The following RRAGD variants were observed in gnomAD, a reference collection of about 807,000 sequenced individuals.
The protein encoded by RRAGD is Ras related GTP binding D.
In RRAGD, 12 loss-of-function variants were observed where a neutral mutation model predicts 35.5. The observed-to-expected ratio is 0.34, with a 90% confidence interval of 0.22 to 0.55. RRAGD has a LOEUF of 0.55. Ranked by LOEUF, RRAGD falls within the 20% of genes least tolerant of loss-of-function variation. The pLI is 0.91. For synonymous variants in RRAGD, 155 were observed against 178.9 expected (o/e 0.87, Z 1.07); for missense variants, 324 against 490.1 (o/e 0.66, Z 3.20).
intron 1 of RRAGD, among the ~76,000 whole-genome samples, chr6:89,397,409 T>G (rs1011841797): frequency 6.6e-6 from 1 of 152,196 alleles, no homozygotes; most frequent in African/African-American, 2.4e-5. Context: ...ATGAAAGTTT[T>G]TGTCCATATA....
intron 1 of RRAGD, among the ~76,000 whole-genome samples, chr6:89,404,788 T>G (rs1769545490): frequency 6.6e-6 from 1 of 152,174 alleles, no homozygotes; most frequent in Non-Finnish European, 1.5e-5. Context: ...CCTGCCTGAC[T>G]GATCTGAGGG....
At position 89,366,027 on chromosome 6, in the gene RRAGD, C is replaced by G. The variant is rs1417556409; in HGVS notation, c.*2029G>C. The G allele has an allele frequency of 1.3e-5, 2 of 152,238 alleles. No homozygotes were observed. Among genetic ancestry groups the G allele is most frequent in the African/African-American group, 4.8e-5 (2 of 41,468 alleles). 9.4% of individuals were successfully genotyped at this position (152,238 alleles called of 1,614,324 possible). On this transcript the variant is annotated 3_prime_UTR_variant, in exon 7 of 7. Transcript: ENST00000369415. ...AATCAGGGAGCCCTGGGCTCCTAAC[C>G]ATCCAGGTTTCGGAGTAGGAATCAT...
chr6:89,399,232 G>T (rs148140238), intron 1 of RRAGD, among the ~76,000 whole-genome samples: 6 of 152,178 alleles, frequency 3.9e-5, no homozygotes, highest in South Asian at 2.1e-4. Flanking sequence ...CACTGTGAAG[G>T]GGGGAGGGAG....
chr6:89,395,751 C>T (rs2127894283), intron 1 of RRAGD, among the ~76,000 whole-genome samples: 1 of 152,278 alleles, frequency 6.6e-6, no homozygotes, highest in African/African-American at 2.4e-5. Flanking sequence ...ATATGTAAAA[C>T]ATGGTTCCCA....
intron 6 of RRAGD, among the ~76,000 whole-genome samples, chr6:89,369,181 C>A (rs1409106762): frequency 6.6e-6 from 1 of 152,128 alleles, no homozygotes; most frequent in African/African-American, 2.4e-5. Flanking sequence ...CTGAGTAGTG[C>A]CCTCTGCTGC....
intron 1 of RRAGD, among the ~76,000 whole-genome samples, chr6:89,389,612 C>CCT (rs1769196975): frequency 6.6e-6 from 1 of 151,164 alleles, no homozygotes; most frequent in Non-Finnish European, 1.5e-5. Flanking sequence ...CTGTAGGGCT[C>CCT]TCTCTTTCCT....
chr6:89,393,222 A>G (rs1769270212), intron 1 of RRAGD, among the ~76,000 whole-genome samples: 1 of 152,266 alleles, frequency 6.6e-6, no homozygotes, highest in Non-Finnish European at 1.5e-5. Context: ...GGAGAACTCA[A>G]AATTGACAAC....
At chr6:89,389,101 T>C (rs1029567592) in intron 1 of RRAGD, among the ~76,000 whole-genome samples, 7 of 152,190 alleles carry the variant, frequency 4.6e-5, no homozygotes, top group Non-Finnish European at 7.4e-5. Context: ...CACAGACTGG[T>C]ACAGGTCTGT....
At chr6:89,400,657 A>T (rs1003101367) in intron 1 of RRAGD, among the ~76,000 whole-genome samples, 1 of 151,798 alleles carries the variant, frequency 6.6e-6, no homozygotes, top group African/African-American at 2.4e-5. Flanking sequence ...TCACTCTACA[A>T]TAGGCATGGT....
At chr6:89,392,602 A>G (rs1302700365) in intron 1 of RRAGD, among the ~76,000 whole-genome samples, 1 of 152,202 alleles carries the variant, frequency 6.6e-6, no homozygotes, top group East Asian at 1.9e-4. Context: ...ACCTAATCCA[A>G]TACAGACTGA....
At chr6:89,401,579 C>A (rs759447297) in intron 1 of RRAGD, among the ~76,000 whole-genome samples, 2 of 151,608 alleles carry the variant, frequency 1.3e-5, no homozygotes, top group Non-Finnish European at 2.9e-5. Flanking sequence ...AGAATAAAAT[C>A]CAAATGCCTT....
In RRAGD at chr6:89,377,763, A is replaced by G. The variant is rs1279839812; in HGVS notation, c.810T>C (p.Tyr270=). 3 of 1,611,348 alleles carry G rather than the reference A, an allele frequency of 1.9e-6. No homozygotes were observed. The highest frequency in any genetic ancestry group is 1.7e-5 in the Admixed American group (1 of 59,622). The change falls in exon 5 of 7, where the codon TAT becomes TAC. Residue 270 remains tyrosine (Y), a synonymous_variant. Coordinates refer to ENST00000369415, the MANE Select transcript of RRAGD (RefSeq NM_021244.5). ...AFLFDVVSKI[Y]IATDSTPVDM... ...CCACCGGAGTACTATCAGTTGCAATATAAATTTTACTGACCACATCAAATA... is the reference window on the plus strand; with the variant it reads ...CCACCGGAGTACTATCAGTTGCAATGTAAATTTTACTGACCACATCAAATA...
At position 89,366,996 on chromosome 6, in the gene RRAGD, G is replaced by A. The variant is rs1335271862; in HGVS notation, c.*1060C>T. The A allele has an allele frequency of 2.0e-5, 3 of 152,346 alleles. No individual in the cohort carries two copies. In the East Asian group the frequency reaches 5.8e-4, roughly 29 times the overall value. The allele number at this position is 152,346 out of a possible 1,614,324, so 9.4% of individuals were successfully genotyped here. A position where few individuals can be genotyped will look rare whatever the true frequency, so the allele number is the denominator to read the frequency against. ...GTGGAGGTGACAAAAGTGACTAACA[G>A]GATTGAGCTCCATGGTGGGGTTCTG... is the stretch of plus-strand genomic sequence containing the variant. On this transcript the variant is annotated 3_prime_UTR_variant, in exon 7 of 7. Coordinates refer to ENST00000369415, the MANE Select transcript of RRAGD (RefSeq NM_021244.5).
intron 5 of RRAGD, 65 bp from the exon 6 acceptor site, chr6:89,372,650 A>T: frequency 2.7e-6 from 4 of 1,461,226 alleles, no homozygotes; most frequent in Non-Finnish European, 3.7e-6. Context: ...TAAGCCAGTG[A>T]CAAGAGACCG....
chr6:89,409,836 AC>A (rs1282322975), intron 1 of RRAGD, among the ~76,000 whole-genome samples: 2 of 152,262 alleles, frequency 1.3e-5, no homozygotes, highest in Non-Finnish European at 2.9e-5. Context: ...GAAGCAGACC[AC>A]CTATCCACTG....
intron 1 of RRAGD, among the ~76,000 whole-genome samples, chr6:89,406,300 A>C (rs1479215212): frequency 6.6e-6 from 1 of 152,178 alleles, no homozygotes; most frequent in Non-Finnish European, 1.5e-5. Context: ...CTGCACCCCC[A>C]CAGGCCTAGG....
rs147709294 is a variant in RRAGD, at chr6:89,369,798, C to G, written c.1052-1591G>C. ...GTGTTTGGAATTTTAAGTAAAAGTT[C>G]ACAACTGAGGCTTTTTAAAGACAGT... On this transcript the variant is annotated intron_variant, in intron 6 of 6. Transcript: ENST00000369415. Among the ~76,000 whole-genome samples, 277 of 152,304 alleles carry G rather than the reference C, an allele frequency of 1.8e-3. 1 individual carries two copies. The highest frequency in any genetic ancestry group is 3.5e-3 in the Non-Finnish European group (236 of 68,028).
At chr6:89,387,745 C>G (rs1331299607) in intron 1 of RRAGD, among the ~76,000 whole-genome samples, 155 bp from the exon 2 acceptor site, 1 of 152,126 alleles carries the variant, frequency 6.6e-6, no homozygotes, top group Non-Finnish European at 1.5e-5. Flanking sequence ...AACCCCAAGT[C>G]TTGCTGACTT....
At chr6:89,368,615 G>T (rs1202099905) in intron 6 of RRAGD, among the ~76,000 whole-genome samples, 1 of 152,232 alleles carries the variant, frequency 6.6e-6, no homozygotes, top group East Asian at 1.9e-4. Flanking sequence ...ATCCTGACTT[G>T]GGATCCCAAA....
Sources: allele counts gnomAD v4.1 joint callset (sites outside exome capture counted in the v4.1 genomes callset), GRCh38; gene constraint gnomAD v4.1.1; transcripts MANE v1.5; gene names NCBI Gene and HGNC (gene_info 2026-07-23, HGNC 2026-07-21).